Variants in TIMM21 observed in about 807,000 individuals in gnomAD.
TIMM21 encodes translocase of inner mitochondrial membrane 21.
A neutral mutation model predicts 27.7 loss-of-function variants in TIMM21; 30 were observed. That is an observed-to-expected ratio of 1.08 (90% confidence interval 0.81 to 1.47). The LOEUF (loss-of-function observed/expected upper bound fraction) is 1.47. TIMM21 is among the 40% of genes most tolerant of loss of function. TIMM21 has a pLI of 0.00. For missense variants in TIMM21, 292 were observed against 302.9 expected, an observed-to-expected ratio of 0.96 and a Z score of 0.27; for synonymous variants, 121 against 114.4, an observed-to-expected ratio of 1.06 and a Z score of -0.37.
In TIMM21 at chr18:74,149,081, G is replaced by T. The variant is rs772527916; in HGVS notation, c.273G>T (p.Gly91=). Residue 91 remains glycine (G), a synonymous_variant, in exon 1 of 6, where the codon GGG becomes GGT. Transcript: ENST00000169551. The part of the protein sequence containing the change: ...KQVSVHRSQR[G]GTAVPTSQKV... ...TGTCTGTGCACAGGAGTCAGAGAGG[G>T]GGAACCGCCGTCCCAACATCACAAA... 6.2e-7 allele frequency: 1 copy of T among 1,610,498 alleles called. No individual in the cohort carries two copies. The highest frequency in any genetic ancestry group is 2.2e-5 in the East Asian group (1 of 44,774).
At position 74,159,695 on chromosome 18, in the gene TIMM21, G is replaced by T. The variant is rs892697890; in HGVS notation, c.*1215G>T. 1 of 152,120 alleles carries T rather than the reference G, an allele frequency of 6.6e-6. No individual in the cohort carries two copies. The highest frequency in any genetic ancestry group is 1.5e-5 in the Non-Finnish European group (1 of 68,034). The allele number at this position is 152,120 out of a possible 1,614,324, so 9.4% of individuals were successfully genotyped here. ...TATAACAGACACTCGTCTCCCTGAC[G>T]TAACACACTTTGACTGAATGAGGCC... On this transcript the variant is annotated 3_prime_UTR_variant, in exon 6 of 6. Transcript: ENST00000169551.
At chr18:74,151,944 C>T (rs74632095) in intron 1 of TIMM21, among the ~76,000 whole-genome samples, 5 of 144,688 alleles carry the variant, frequency 3.5e-5, no homozygotes, top group East Asian at 4.1e-4. Context: ...TGTTCCCCCC[C>T]CCCCCGGGGG....
intron 1 of TIMM21, among the ~76,000 whole-genome samples, chr18:74,150,926 T>C (rs114680493): frequency 0.05 from 7,556 of 152,294 alleles, 264 homozygotes; most frequent in East Asian, 0.12. Flanking sequence ...CATTTGACTT[T>C]TCCCACTGCG....
intron 3 of TIMM21, chr18:74,157,115 G>A (rs1979972121): frequency 6.6e-6 from 1 of 152,150 alleles, no homozygotes; most frequent in Admixed American, 6.5e-5. Context: ...ATATTTTTTA[G>A]AGGGTTCCAC....
At chr18:74,155,746 T>TA (rs1979934293) in intron 3 of TIMM21, among the ~76,000 whole-genome samples, 1 of 152,212 alleles carries the variant, frequency 6.6e-6, no homozygotes. Context: ...TGCTGACACT[T>TA]ACCGAAAATG....
chr18:74,154,147 G>A (rs1979883330), intron 1 of TIMM21, among the ~76,000 whole-genome samples: 1 of 152,196 alleles, frequency 6.6e-6, no homozygotes, highest in Admixed American at 6.5e-5. Context: ...AGGGACAATC[G>A]GGAATCTAGG....
At chr18:74,155,509 C>A in intron 3 of TIMM21, 106 bp downstream of exon 3, 1 of 887,640 alleles carries the variant, frequency 1.1e-6, no homozygotes, top group Non-Finnish European at 1.8e-6. Flanking sequence ...TAGTGAAATT[C>A]ACATAATAAT....
intron 1 of TIMM21, among the ~76,000 whole-genome samples, chr18:74,151,805 A>T (rs1234107433): frequency 6.6e-6 from 1 of 152,126 alleles, no homozygotes; most frequent in Non-Finnish European, 1.5e-5. Context: ...AGCCAGCTGC[A>T]TATCAGTTCC....
At chr18:74,157,837 C>T in intron 3 of TIMM21, 177 bp from the exon 4 acceptor site, 1 of 633,186 alleles carries the variant, frequency 1.6e-6, no homozygotes, top group South Asian at 2.1e-5. Flanking sequence ...CCTTGTGATC[C>T]ACCCATCTTG....
In TIMM21 at chr18:74,148,713, A is replaced by T; in HGVS notation, c.-96A>T. 3 of 1,261,818 alleles carry T rather than the reference A, an allele frequency of 2.4e-6. No homozygotes were observed. Among genetic ancestry groups the T allele is most frequent in the Non-Finnish European group, 3.3e-6 (3 of 902,746 alleles). The allele number at this position is 1,261,818 out of a possible 1,614,324, so 78.2% of individuals were successfully genotyped here. On this transcript the variant is annotated 5_prime_UTR_variant, in exon 1 of 6. Coordinates refer to ENST00000169551, the MANE Select transcript of TIMM21 (RefSeq NM_014177.3). The stretch of plus-strand genomic sequence containing the variant: ...AACACCCCATGTAATGTAAACGTAT[A>T]GGCTTGAGTACGTGTCCGGCCGCAT...
chr18:74,151,753 A>C (rs1027098119), intron 1 of TIMM21, among the ~76,000 whole-genome samples: 1 of 151,994 alleles, frequency 6.6e-6, no homozygotes, highest in Non-Finnish European at 1.5e-5. Context: ...ACTTTTACTT[A>C]ATGTGGACCA....
chr18:74,158,596 A>T lies in TIMM21; in HGVS notation c.*116A>T. The stretch of plus-strand genomic sequence containing the variant: ...AAGGAGTGTATGGCTTATAAAGTGA[A>T]TCTAATACAGTATTTGTTGCATTTA... On this transcript the variant is annotated 3_prime_UTR_variant, in exon 6 of 6. Transcript: ENST00000169551. 1.5e-6 allele frequency: 1 copy of T among 680,096 alleles called. No individual in the cohort carries two copies. The highest frequency in any genetic ancestry group is 2.6e-6 in the Non-Finnish European group (1 of 386,276). 42.1% of individuals were successfully genotyped at this position (680,096 alleles called of 1,614,324 possible). A position where few individuals can be genotyped will look rare whatever the true frequency, so the allele number is the denominator to read the frequency against.
At chr18:74,154,707 A>T (rs900842676) in intron 1 of TIMM21, among the ~76,000 whole-genome samples, 2 of 152,122 alleles carry the variant, frequency 1.3e-5, no homozygotes, top group Non-Finnish European at 2.9e-5. Flanking sequence ...TTTCTGGCCA[A>T]CCATATTCCT....
At position 74,148,756 on chromosome 18, in the gene TIMM21, GC is replaced by G; in HGVS notation, c.-52del. 6.4e-7 allele frequency: 1 copy of G among 1,562,464 alleles called. No homozygotes were observed. Among genetic ancestry groups the G allele is most frequent in the Admixed American group, 1.8e-5 (1 of 56,972 alleles). ...GGCCGCATGTGTAGTGAACCCTAAA[GC>G]TTTCCTAATTGTAGTTAGCATCGTC... On this transcript the variant is annotated 5_prime_UTR_variant, in exon 1 of 6. Transcript: ENST00000169551.
intron 1 of TIMM21, among the ~76,000 whole-genome samples, chr18:74,154,292 C>T (rs553679900): frequency 5.8e-4 from 88 of 151,678 alleles, no homozygotes; most frequent in African/African-American, 1.2e-3. Context: ...GACGGAGTCT[C>T]GCTCTTTCGC....
In TIMM21 at chr18:74,148,766, T is replaced by C; in HGVS notation, c.-43T>C. The C allele has an allele frequency of 6.3e-7, 1 of 1,577,198 alleles. No homozygotes were observed. The highest frequency in any genetic ancestry group is 8.7e-7 in the Non-Finnish European group (1 of 1,154,774). On this transcript the variant is annotated 5_prime_UTR_variant, in exon 1 of 6. Transcript: ENST00000169551. ...GTAGTGAACCCTAAAGCTTTCCTAA[T>C]TGTAGTTAGCATCGTCCCTAAGCGG...
rs1453089813 is a variant in TIMM21 at position 74,158,037 on chromosome 18, T to C, written c.486T>C (p.Ser162=). ...AGGTGATCGGTGTCTTTGGTGAGTC[T>C]GTTAAAGGCTATGGGGAGGTGACAA... ...HPEVIGVFGE[S]VKGYGEVTRR... Residue 162 remains serine, a synonymous_variant, in exon 4 of 6, where the codon TCT becomes TCC. Transcript: ENST00000169551. 1.2e-6 allele frequency: 2 copies of C among 1,614,206 alleles called. No individual in the cohort carries two copies. The highest frequency in any genetic ancestry group is 2.7e-5 in the African/African-American group (2 of 75,054).
rs1305195112 is a variant in TIMM21, at chr18:74,149,087, C to A, written c.279C>A (p.Thr93=). The part of the protein sequence containing the change: ...VSVHRSQRGG[T]AVPTSQKVKE... ...TGCACAGGAGTCAGAGAGGGGGAACCGCCGTCCCAACATCACAAAAAGGTA... is the reference window on the plus strand; with the variant it reads ...TGCACAGGAGTCAGAGAGGGGGAACAGCCGTCCCAACATCACAAAAAGGTA... Residue 93 remains threonine (T), a synonymous_variant, in exon 1 of 6, where the codon ACC becomes ACA. Transcript: ENST00000169551. The A allele has an allele frequency of 5.0e-6, 8 of 1,609,638 alleles. No homozygotes were observed. The highest frequency in any genetic ancestry group is 1.3e-5 in the African/African-American group (1 of 74,798).
rs1346942222 is a variant in TIMM21 at position 74,158,021 on chromosome 18, G to T, written c.470G>T (p.Gly157Val). The T allele has an allele frequency of 1.9e-6, 3 of 1,614,184 alleles. No homozygotes were observed. Among genetic ancestry groups the T allele is most frequent in the Non-Finnish European group, 2.5e-6 (3 of 1,180,038 alleles). The part of the protein sequence containing the change: ...EKCRSHPEVI[G>V]VFGESVKGYG... ...ACTGTCCTTGTTCTGCAGGTGATCG[G>T]TGTCTTTGGTGAGTCTGTTAAAGGC... is the stretch of plus-strand genomic sequence containing the variant. Residue 157 changes from glycine to valine, a missense_variant, in exon 4 of 6, where the codon GGT becomes GTT. Gly to Val is a moderately radical substitution (Grantham distance 109). Coordinates refer to ENST00000169551, the MANE Select transcript of TIMM21 (RefSeq NM_014177.3).
Sources: allele counts gnomAD v4.1 joint callset (sites outside exome capture counted in the v4.1 genomes callset), GRCh38; gene constraint gnomAD v4.1.1; transcripts MANE v1.5; gene names NCBI Gene and HGNC (gene_info 2026-07-23, HGNC 2026-07-21).